The following PDHA1 variants were observed in gnomAD, a reference collection of about 807,000 sequenced individuals.
The protein encoded by PDHA1 is pyruvate dehydrogenase E1 component subunit alpha, somatic form, mitochondrial.
PDHA1 carries 1 observed loss-of-function variant against 33.0 expected under a neutral mutation model. The ratio of observed to expected loss-of-function variants is 0.03; its 90% CI spans 0.01 to 0.14. PDHA1 has a LOEUF of 0.14. Among genes scored for constraint, PDHA1 ranks in the 10% least tolerant of loss-of-function variants. PDHA1 has a pLI of 1.00. For missense variants in PDHA1, 168 were observed against 325.1 expected (o/e 0.52, Z 3.72); for synonymous variants, 123 against 119.2 (o/e 1.03, Z -0.21).
intron 9 of PDHA1, among the ~76,000 whole-genome samples, chrX:19,358,157 T>G (rs2063218769): frequency 8.9e-6 from 1 of 111,784 alleles, no homozygotes; most frequent in Admixed American, 9.5e-5. Flanking sequence ...TTGAAATACA[T>G]CAATCAAAAA....
Position 19,343,941 on chromosome X carries a change from G to T in PDHA1, c.-97G>T. Reference sequence around the variant, plus strand: ...TGTCACGCCGCGGTGCGACTGAGGCGTGGCGTCTGCTGGGGCACCTGAAGG... The same window carrying T: ...TGTCACGCCGCGGTGCGACTGAGGCTTGGCGTCTGCTGGGGCACCTGAAGG... On this transcript the variant is annotated 5_prime_UTR_variant, in exon 1 of 11. Transcript: ENST00000422285. 1 of 784,949 alleles carries T rather than the reference G, an allele frequency of 1.3e-6. No homozygotes were observed. Among genetic ancestry groups the T allele is most frequent in the Non-Finnish European group, 1.9e-6 (1 of 519,087 alleles). The allele number at this position is 784,949 out of a possible 1,213,427, so 64.7% of individuals were successfully genotyped here.
intron 9 of PDHA1, 36 bp downstream of exon 9, chrX:19,357,755 G>A (rs1335009785): frequency 1.9e-6 from 2 of 1,054,441 alleles, no homozygotes; most frequent in Non-Finnish European, 2.7e-6. Flanking sequence ...CATAGGGGTG[G>A]GCTTTGAATG....
At chrX:19,347,608 G>A (rs1368343914) in intron 1 of PDHA1, among the ~76,000 whole-genome samples, 3 of 112,136 alleles carry the variant, frequency 2.7e-5, no homozygotes, top group African/African-American at 6.5e-5. Context: ...TGTTACTGTC[G>A]CCTGGCTGGT....
chrX:19,354,394 G>T (rs2063182018), intron 5 of PDHA1, 97 bp from the exon 6 acceptor site: 1 of 571,088 alleles, frequency 1.8e-6, no homozygotes, highest in African/African-American at 2.2e-5. Flanking sequence ...TGTAATTTCT[G>T]TGTCAGATTC....
At position 19,343,999 on chromosome X, in the gene PDHA1, G is replaced by A. The variant is rs937456567; in HGVS notation, c.-39G>A. On this transcript the variant is annotated 5_prime_UTR_variant, in exon 1 of 11. Transcript: ENST00000422285. ...GGGGCACCCGCGTCGTGCCTCCTGGGTTGTGAGGAGTCGCCGCTGCCGCCA... is the reference window on the plus strand; with the variant it reads ...GGGGCACCCGCGTCGTGCCTCCTGGATTGTGAGGAGTCGCCGCTGCCGCCA... 5 of 1,187,009 alleles carry A rather than the reference G, an allele frequency of 4.2e-6. No individual in the cohort carries two copies. In the African/African-American group the frequency reaches 5.3e-5, roughly 12 times the overall value.
In PDHA1 at chrX:19,359,669, A is replaced by AGGTTATACCTTCAGGGGGCTACC. The variant is rs2063249495; in HGVS notation, c.*17_*39dup. On this transcript the variant is annotated 3_prime_UTR_variant, in exon 11 of 11. Coordinates refer to ENST00000422285, the MANE Select transcript of PDHA1 (RefSeq NM_000284.4). Reference sequence around the variant, plus strand: ...AGTCAGTTAAGGGGAGGAGAAGGAGAGGTTATACCTTCAGGGGGCTACCAG... The same window carrying AGGTTATACCTTCAGGGGGCTACC: ...AGTCAGTTAAGGGGAGGAGAAGGAGAGGTTATACCTTCAGGGGGCTACCGGTTATACCTTCAGGGGGCTACCAG... 8.4e-7 allele frequency: 1 copy of AGGTTATACCTTCAGGGGGCTACC among 1,186,861 alleles called. No homozygotes were observed. Among genetic ancestry groups the AGGTTATACCTTCAGGGGGCTACC allele is most frequent in the Admixed American group, 2.2e-5 (1 of 45,537 alleles).
Position 19,349,462 on chromosome X carries a change from G to T in PDHA1, c.117+91G>T. 6.8e-6 allele frequency: 4 copies of T among 584,392 alleles called. No homozygotes were observed. The South Asian group carries it at 1.0e-4, about 15-fold the overall frequency. 48.2% of individuals were successfully genotyped at this position (584,392 alleles called of 1,213,427 possible). ...TAGAATAGAACATTTTGATGTTCAT[G>T]CTTAGTCATCATTTTCTTCTAAATG... On this transcript the variant is annotated intron_variant, in intron 2 of 10. Transcript: ENST00000422285.
chrX:19,345,727 C>T, intron 1 of PDHA1: 1 of 289,022 alleles, frequency 3.5e-6, no homozygotes, highest in Non-Finnish European at 6.6e-6. Context: ...TCATTGTTTC[C>T]TGTATCAGTT....
In PDHA1 at chrX:19,360,483, T is replaced by G; in HGVS notation, c.*830T>G. On this transcript the variant is annotated 3_prime_UTR_variant, in exon 11 of 11. Transcript: ENST00000422285. The stretch of plus-strand genomic sequence containing the variant: ...AATCCTCCCACCTCAGCCTCCTGCA[T>G]AGCTGGGACTACAAGTGAATTTCCT... The G allele has an allele frequency of 3.7e-6, 1 of 269,028 alleles. No individual in the cohort carries two copies. Among genetic ancestry groups the G allele is most frequent in the South Asian group, 4.5e-5 (1 of 21,997 alleles). The allele number at this position is 269,028 out of a possible 1,213,427, so 22.2% of individuals were successfully genotyped here. A position where few individuals can be genotyped will look rare whatever the true frequency, so the allele number is the denominator to read the frequency against.
At chrX:19,347,278 G>A (rs1205752904) in intron 1 of PDHA1, among the ~76,000 whole-genome samples, 1 of 112,180 alleles carries the variant, frequency 8.9e-6, no homozygotes, top group Non-Finnish European at 1.9e-5. Flanking sequence ...TCTTTTTATG[G>A]CTCTCCAGAG....
chrX:19,344,695 C>A (rs902275632), intron 1 of PDHA1, among the ~76,000 whole-genome samples: 1 of 82,779 alleles, frequency 1.2e-5, no homozygotes, highest in African/African-American at 4.5e-5. Context: ...TAATAAGAGT[C>A]CCCACCTCTT....
chrX:19,361,561 G>T lies in PDHA1; in HGVS notation c.*1908G>T, dbSNP rs770697702. The T allele has an allele frequency of 1.7e-6, 2 of 1,208,358 alleles. No homozygotes were observed. Among genetic ancestry groups the T allele is most frequent in the South Asian group, 3.5e-5 (2 of 56,712 alleles). Reference sequence around the variant, plus strand: ...TCTATAAGCTCTTTATCTGTTCTCTGCCCGTAGGGGCCTGCTGGGTTCTCT... The same window carrying T: ...TCTATAAGCTCTTTATCTGTTCTCTTCCCGTAGGGGCCTGCTGGGTTCTCT... On this transcript the variant is annotated 3_prime_UTR_variant, in exon 11 of 11. Transcript: ENST00000422285.
rs923765752 is a variant in PDHA1 at position 19,361,111 on chromosome X, C to A, written c.*1458C>A. 9.5e-6 allele frequency: 4 copies of A among 422,109 alleles called. No individual in the cohort carries two copies. Among genetic ancestry groups the A allele is most frequent in the Non-Finnish European group, 1.6e-5 (4 of 244,923 alleles). The allele number at this position is 422,109 out of a possible 1,213,427, so 34.8% of individuals were successfully genotyped here. On this transcript the variant is annotated 3_prime_UTR_variant, in exon 11 of 11. Coordinates refer to ENST00000422285, the MANE Select transcript of PDHA1 (RefSeq NM_000284.4). ...CGCTTGCCATGTGCCTCCACCCACTCCCAGCCAGGCATTAATGGCAGGAGA... is the reference window on the plus strand; with the variant it reads ...CGCTTGCCATGTGCCTCCACCCACTACCAGCCAGGCATTAATGGCAGGAGA...
At chrX:19,351,802 T>G (rs1284616542) in intron 4 of PDHA1, among the ~76,000 whole-genome samples, 2 of 96,297 alleles carry the variant, frequency 2.1e-5, no homozygotes, top group Admixed American at 2.2e-4. Flanking sequence ...GTGGTTTTTT[T>G]TTTTTTTTTT....
At chrX:19,354,735 G>A (rs2063183907) in intron 6 of PDHA1, 152 bp downstream of exon 6, 1 of 504,808 alleles carries the variant, frequency 2.0e-6, no homozygotes, top group Non-Finnish European at 3.6e-6. Flanking sequence ...GGCCAGATTA[G>A]AGATTGACCT....
At position 19,360,914 on chromosome X, in the gene PDHA1, CT is replaced by C. The variant is rs1333471005; in HGVS notation, c.*1262del. ...AAACTGCAGTCCCTAATTTAAAAAC[CT>C]AATGAAAATAAAAACATTCTCCTCA... On this transcript the variant is annotated 3_prime_UTR_variant, in exon 11 of 11. Transcript: ENST00000422285. 13 of 741,162 alleles carry C rather than the reference CT, an allele frequency of 1.8e-5. No individual in the cohort carries two copies. The highest frequency in any genetic ancestry group is 1.6e-4 in the Admixed American group (5 of 31,990). The allele number at this position is 741,162 out of a possible 1,213,427, so 61.1% of individuals were successfully genotyped here. A position where few individuals can be genotyped will look rare whatever the true frequency, so the allele number is the denominator to read the frequency against.
chrX:19,359,128 TC>T, intron 10 of PDHA1, 104 bp downstream of exon 10: 1 of 538,719 alleles, frequency 1.9e-6, no homozygotes, highest in Non-Finnish European at 3.4e-6. Context: ...GAAAGTGATG[TC>T]CTGGGACATA....
At chrX:19,344,742 GA>G (rs1190723369) in intron 1 of PDHA1, among the ~76,000 whole-genome samples, 39 of 113,002 alleles carry the variant, frequency 3.5e-4, no homozygotes, top group African/African-American at 1.2e-3. Context: ...GACACGTGTG[GA>G]AACGATTCCA....
intron 1 of PDHA1, among the ~76,000 whole-genome samples, chrX:19,348,167 T>A (rs1258863954): frequency 8.9e-6 from 1 of 112,744 alleles, no homozygotes; most frequent in Non-Finnish European, 1.9e-5. Context: ...AATAGTATGA[T>A]AATACTACTG....
Sources: allele counts gnomAD v4.1 joint callset (sites outside exome capture counted in the v4.1 genomes callset), GRCh38; gene constraint gnomAD v4.1.1; transcripts MANE v1.5; gene names NCBI Gene and HGNC (gene_info 2026-07-23, HGNC 2026-07-21).